GPC3: variants seen among roughly 807,000 people sequenced by gnomAD.
The protein encoded by GPC3 is glypican-3.
In GPC3, 3 loss-of-function variants were observed where a neutral mutation model predicts 34.4. The observed-to-expected ratio is 0.09, with a 90% CI of 0.04 to 0.23. GPC3 has a LOEUF of 0.23. Ranked by LOEUF, GPC3 falls within the 10% of genes least tolerant of loss-of-function variation. The pLI, the probability that GPC3 is intolerant of heterozygous loss-of-function variation, is 1.00. For synonymous variants in GPC3, 177 were observed against 174.0 expected, an observed-to-expected ratio of 1.02 and a Z score of -0.13; for missense variants, 351 against 445.6, an observed-to-expected ratio of 0.79 and a Z score of 1.91.
intron 2 of GPC3, among the ~76,000 whole-genome samples, chrX:133,794,827 G>C (rs922842209): frequency 1.8e-5 from 2 of 112,468 alleles, no homozygotes; most frequent in African/African-American, 6.5e-5. Context: ...TGAGTAGCAA[G>C]GGGAAAAATA....
At chrX:133,544,521 C>A (rs2069366605) in intron 7 of GPC3, among the ~76,000 whole-genome samples, 1 of 111,086 alleles carries the variant, frequency 9.0e-6, no homozygotes, top group Non-Finnish European at 1.9e-5. Context: ...TCATATGGGC[C>A]ACCACTTACT....
intron 7 of GPC3, among the ~76,000 whole-genome samples, chrX:133,547,981 G>A (rs780314754): frequency 4.5e-5 from 5 of 111,361 alleles, no homozygotes; most frequent in Admixed American, 9.6e-5. Flanking sequence ...ATTTTTTTAA[G>A]AGACACTTTT....
intron 3 of GPC3, among the ~76,000 whole-genome samples, chrX:133,752,012 T>C (rs942957324): frequency 2.7e-5 from 3 of 110,919 alleles, no homozygotes; most frequent in African/African-American, 6.6e-5. Flanking sequence ...CATGCCACCA[T>C]GCCTGGCTAA....
At chrX:133,871,411 A>G (rs2075993471) in intron 2 of GPC3, among the ~76,000 whole-genome samples, 1 of 111,952 alleles carries the variant, frequency 8.9e-6, no homozygotes, top group African/African-American at 3.2e-5. Context: ...CTCCACTGCT[A>G]CAGCCCTAGT....
chrX:133,603,659 A>G (rs1284916435), intron 6 of GPC3, among the ~76,000 whole-genome samples: 3 of 112,025 alleles, frequency 2.7e-5, no homozygotes, highest in Non-Finnish European at 3.8e-5. Flanking sequence ...ACAGGGAAAC[A>G]TTTAAAGTTA....
At chrX:133,863,804 C>T (rs1180086966) in intron 2 of GPC3, among the ~76,000 whole-genome samples, 4 of 102,856 alleles carry the variant, frequency 3.9e-5, no homozygotes, top group South Asian at 4.6e-4. Flanking sequence ...TACAGGCGCC[C>T]GCCACCGCGC....
At position 133,844,916 on chromosome X, in the gene GPC3, C is replaced by T. The variant is rs188127049; in HGVS notation, c.338-90740G>A. On this transcript the variant is annotated intron_variant, in intron 2 of 7. Transcript: ENST00000370818. ...GATAAAGAGTAAATAACTCAGTGGT[C>T]CTCAGCTGGTGGGAGCTATAGAAAA... 5.5e-4 allele frequency among the ~76,000 whole-genome samples: 62 copies of T among 111,835 alleles called. 2 individuals carry two copies. The Middle Eastern group carries it at 0.055, about 99-fold the overall frequency.
At chrX:133,899,523 G>A (rs949218694) in intron 2 of GPC3, among the ~76,000 whole-genome samples, 8 of 111,435 alleles carry the variant, frequency 7.2e-5, no homozygotes, top group East Asian at 2.8e-4. Flanking sequence ...CTCAAACTGC[G>A]TATCATCAGT....
intron 7 of GPC3, among the ~76,000 whole-genome samples, chrX:133,594,098 A>G (rs1207613773): frequency 9.2e-6 from 1 of 108,369 alleles, no homozygotes; most frequent in Admixed American, 9.6e-5. Context: ...CTCCATCTCA[A>G]AAAAAACAAA....
chrX:133,749,498 T>C (rs1049658679), intron 3 of GPC3, among the ~76,000 whole-genome samples: 4 of 110,849 alleles, frequency 3.6e-5, no homozygotes, highest in Non-Finnish European at 5.7e-5. Flanking sequence ...TTGAGAACTA[T>C]GCTAGAGAAA....
At chrX:133,962,325 C>T (rs1021842820) in intron 1 of GPC3, among the ~76,000 whole-genome samples, 4 of 111,736 alleles carry the variant, frequency 3.6e-5, no homozygotes, top group African/African-American at 1.3e-4. Flanking sequence ...ATTTAAGTTC[C>T]TTGAGGGAAG....
chrX:133,596,698 T>A (rs2069921208), intron 6 of GPC3, 99 bp from the exon 7 acceptor site: 2 of 853,990 alleles, frequency 2.3e-6, no homozygotes, highest in African/African-American at 4.0e-5. Flanking sequence ...GTTCAATGAA[T>A]TACACAGAAG....
At chrX:133,658,684 A>G (rs1285669899) in intron 6 of GPC3, among the ~76,000 whole-genome samples, 1 of 112,449 alleles carries the variant, frequency 8.9e-6, no homozygotes, top group Admixed American at 9.5e-5. Context: ...TAACAGCTCA[A>G]CTGAAACAGG....
chrX:133,881,071 T>C (rs2076039493), intron 2 of GPC3, among the ~76,000 whole-genome samples: 1 of 112,390 alleles, frequency 8.9e-6, no homozygotes, highest in Admixed American at 9.5e-5. Context: ...GCCAAGTTTG[T>C]TAATCATTTG....
At chrX:133,536,413 T>C in intron 7 of GPC3, 120 bp from the exon 8 acceptor site, 1 of 487,780 alleles carries the variant, frequency 2.1e-6, no homozygotes, top group South Asian at 3.4e-5. Context: ...TTCCCTTTTT[T>C]ATGGGGGAGA....
intron 7 of GPC3, among the ~76,000 whole-genome samples, chrX:133,557,060 G>A (rs2069496272): frequency 9.0e-6 from 1 of 110,785 alleles, no homozygotes; most frequent in Non-Finnish European, 1.9e-5. Context: ...TTGGGAGGCC[G>A]AGGCAGGCGG....
At chrX:133,722,333 C>T (rs1219223044) in intron 3 of GPC3, among the ~76,000 whole-genome samples, 1 of 111,131 alleles carries the variant, frequency 9.0e-6, no homozygotes, top group African/African-American at 3.3e-5. Flanking sequence ...TACATACCAC[C>T]CTATCACAGA....
chrX:133,686,194 A>C (rs1019795213), intron 5 of GPC3, among the ~76,000 whole-genome samples: 1 of 111,539 alleles, frequency 9.0e-6, no homozygotes, highest in Non-Finnish European at 1.9e-5. Flanking sequence ...GACTCAGGGG[A>C]GAATCATTGC....
At chrX:133,854,922 T>C (rs969167219) in intron 2 of GPC3, among the ~76,000 whole-genome samples, 3 of 112,392 alleles carry the variant, frequency 2.7e-5, no homozygotes, top group South Asian at 3.7e-4. Context: ...TATAATGATA[T>C]GGTGAAATAC....
Sources: gnomAD v4.1 joint callset for allele counts (sites outside exome capture counted in the v4.1 genomes callset) on GRCh38, gnomAD v4.1.1 for gene constraint, MANE v1.5 for transcripts, NCBI Gene and HGNC (gene_info 2026-07-23, HGNC 2026-07-21) for gene names.